The following FAM227B variants were observed in gnomAD, a reference collection of about 807,000 sequenced individuals.
FAM227B encodes protein FAM227B.
A neutral mutation model predicts 73.8 loss-of-function variants in FAM227B; 88 were observed. The observed-to-expected ratio is 1.19, with a 90% confidence interval of 1.00 to 1.42. The LOEUF (loss-of-function observed/expected upper bound fraction) is 1.42, where lower values mean the gene tolerates loss of function less well. FAM227B is among the 40% of genes most tolerant of loss of function. The probability of loss-of-function intolerance (pLI) is 0.00; values close to 1 mark genes in which losing one functional copy is unlikely to be tolerated. For missense variants in FAM227B, 632 were observed against 590.9 expected, an observed-to-expected ratio of 1.07 and a Z score of -0.72; for synonymous variants, 210 against 190.5, an observed-to-expected ratio of 1.10 and a Z score of -0.84.
At chr15:49,476,766 A>T (rs2055360062) in intron 11 of FAM227B, among the ~76,000 whole-genome samples, 1 of 152,198 alleles carries the variant, frequency 6.6e-6, no homozygotes, top group African/African-American at 2.4e-5. Context: ...TACAAAAAAA[A>T]TTGAGCAGAT....
At chr15:49,480,673 G>C (rs2055861519) in intron 11 of FAM227B, among the ~76,000 whole-genome samples, 1 of 152,054 alleles carries the variant, frequency 6.6e-6, no homozygotes, top group South Asian at 2.1e-4. Flanking sequence ...AGTAGAAACG[G>C]GGTTTCGCCA....
intron 11 of FAM227B, among the ~76,000 whole-genome samples, chr15:49,375,057 T>C (rs923007787): frequency 6.6e-6 from 1 of 152,196 alleles, no homozygotes; most frequent in African/African-American, 2.4e-5. Flanking sequence ...GTGAAATTCA[T>C]GGTTCAAATT....
intron 11 of FAM227B, among the ~76,000 whole-genome samples, chr15:49,410,419 A>C (rs1298942459): frequency 1.3e-5 from 2 of 152,136 alleles, no homozygotes; most frequent in Non-Finnish European, 2.9e-5. Context: ...TTTCTCACTT[A>C]ACATCTATTT....
chr15:49,501,024 G>A (rs1433694762), intron 11 of FAM227B, among the ~76,000 whole-genome samples: 1 of 152,180 alleles, frequency 6.6e-6, no homozygotes, highest in Non-Finnish European at 1.5e-5. Context: ...CGTGCTTCCT[G>A]TAGAGCATCC....
intron 13 of FAM227B, among the ~76,000 whole-genome samples, chr15:49,359,802 C>T (rs1361731679): frequency 7.3e-5 from 10 of 137,184 alleles, no homozygotes; most frequent in South Asian, 4.9e-4. Context: ...ATGTTTATTG[C>T]GTCATTATTC....
At chr15:49,357,211 A>G (rs1400762749) in intron 13 of FAM227B, among the ~76,000 whole-genome samples, 3 of 150,198 alleles carry the variant, frequency 2.0e-5, no homozygotes, top group Non-Finnish European at 4.4e-5. Context: ...AAAAGCTAGC[A>G]GAAGGCAAGA....
intron 11 of FAM227B, among the ~76,000 whole-genome samples, chr15:49,466,095 G>A (rs1045061678): frequency 2.0e-5 from 3 of 152,180 alleles, no homozygotes; most frequent in Non-Finnish European, 4.4e-5. Flanking sequence ...TAAAATAGAT[G>A]ACAACAGATT....
At chr15:49,388,149 A>T (rs2046992223) in intron 11 of FAM227B, among the ~76,000 whole-genome samples, 1 of 151,872 alleles carries the variant, frequency 6.6e-6, no homozygotes, top group Non-Finnish European at 1.5e-5. Flanking sequence ...TTCATATGGA[A>T]CCAAAAAAGA....
intron 8 of FAM227B, among the ~76,000 whole-genome samples, chr15:49,571,732 T>C (rs952820831): frequency 3.9e-5 from 6 of 151,928 alleles, no homozygotes; most frequent in African/African-American, 1.4e-4. Flanking sequence ...AATACTCTGC[T>C]TTTTTTGGTT....
intron 11 of FAM227B, among the ~76,000 whole-genome samples, chr15:49,383,317 A>G (rs1447774362): frequency 1.3e-5 from 2 of 151,454 alleles, no homozygotes; most frequent in Admixed American, 6.6e-5. Context: ...GTGTAGAGCA[A>G]GTCTGTTGTT....
At chr15:49,503,695 C>T (rs8040582) in intron 11 of FAM227B, among the ~76,000 whole-genome samples, 49,677 of 151,754 alleles carry the variant, frequency 0.33, 8,902 homozygotes, top group African/African-American at 0.46. Flanking sequence ...TCACTGGCCA[C>T]CAGAGAAATG....
At chr15:49,375,231 G>C in intron 11 of FAM227B, among the ~76,000 whole-genome samples, 1 of 152,102 alleles carries the variant, frequency 6.6e-6, no homozygotes. Flanking sequence ...TACTTATGTA[G>C]ATCGCTAGCA....
At chr15:49,448,702 G>A (rs934455850) in intron 11 of FAM227B, among the ~76,000 whole-genome samples, 1 of 150,890 alleles carries the variant, frequency 6.6e-6, no homozygotes, top group South Asian at 2.1e-4. Context: ...AAACTATGTT[G>A]CTTTTAATAC....
chr15:49,428,546 G>T (rs1262041909), intron 11 of FAM227B, among the ~76,000 whole-genome samples: 3 of 151,906 alleles, frequency 2.0e-5, no homozygotes, highest in Non-Finnish European at 4.4e-5. Context: ...CTATCATTCT[G>T]CACCTGACAG....
At chr15:49,522,739 AAAAG>A (rs2059879234) in intron 10 of FAM227B, among the ~76,000 whole-genome samples, 1 of 152,188 alleles carries the variant, frequency 6.6e-6, no homozygotes, top group East Asian at 1.9e-4. Context: ...AAAAATTAAA[AAAAG>A]AAAGAATTTT....
In FAM227B at chr15:49,459,254, C is replaced by T. The variant is rs966335918; in HGVS notation, c.1012+48957G>A. Among the ~76,000 whole-genome samples the T allele has an allele frequency of 3.9e-5, 6 of 152,262 alleles. No homozygotes were observed. In the East Asian group the frequency reaches 1.2e-3, roughly 29 times the overall value. ...AGAGATTTGTACATTTGACTACTTT[C>T]AAACATGGAGGAGTAGGCTCCCAAT... On this transcript the variant is annotated intron_variant, in intron 11 of 15. Transcript: ENST00000299338.
chr15:49,370,936 A>G (rs993336300), intron 12 of FAM227B, among the ~76,000 whole-genome samples: 17 of 152,186 alleles, frequency 1.1e-4, no homozygotes, highest in Non-Finnish European at 2.2e-4. Flanking sequence ...CAGGTCAACT[A>G]TTGTTGATAC....
chr15:49,421,427 TAC>T (rs1321146136), intron 11 of FAM227B, among the ~76,000 whole-genome samples: 1 of 152,246 alleles, frequency 6.6e-6, no homozygotes, highest in Non-Finnish European at 1.5e-5. Context: ...ATTTCCAAAT[TAC>T]AGAGTGTAAT....
intron 9 of FAM227B, among the ~76,000 whole-genome samples, chr15:49,560,938 T>A (rs6493376): frequency 6.6e-6 from 1 of 151,894 alleles, no homozygotes; most frequent in Non-Finnish European, 1.5e-5. Flanking sequence ...CTTAAGTATA[T>A]AACCCACATA....
Sources: gnomAD v4.1 joint callset for allele counts (sites outside exome capture counted in the v4.1 genomes callset) on GRCh38, gnomAD v4.1.1 for gene constraint, MANE v1.5 for transcripts, NCBI Gene and HGNC (gene_info 2026-07-23, HGNC 2026-07-21) for gene names.